The following KCNIP1 variants were observed in gnomAD, a reference collection of about 807,000 sequenced individuals.
The protein encoded by KCNIP1 is A-type potassium channel modulatory protein KCNIP1.
KCNIP1 carries 18 observed loss-of-function variants against 33.0 expected under a neutral mutation model. The observed-to-expected ratio is 0.55, with a 90% CI of 0.38 to 0.81. The LOEUF is 0.81. Ranked by LOEUF, KCNIP1 falls within the 30% of genes least tolerant of loss-of-function variation. The pLI is 0.00. For synonymous variants in KCNIP1, 93 were observed against 98.3 expected, an observed-to-expected ratio of 0.95 and a Z score of 0.32; for missense variants, 238 against 271.6, an observed-to-expected ratio of 0.88 and a Z score of 0.87.
At chr5:170,363,330 C>T (rs1415463398) in intron 1 of KCNIP1, among the ~76,000 whole-genome samples, 1 of 152,162 alleles carries the variant, frequency 6.6e-6, no homozygotes, top group African/African-American at 2.4e-5. Flanking sequence ...GCCCTAACCC[C>T]CAAGGTGGCT....
At chr5:170,461,253 T>C (rs558617951) in intron 1 of KCNIP1, among the ~76,000 whole-genome samples, 1 of 152,134 alleles carries the variant, frequency 6.6e-6, no homozygotes, top group Non-Finnish European at 1.5e-5. Flanking sequence ...ATCTACAAAT[T>C]CAGTGCAATT....
intron 1 of KCNIP1, among the ~76,000 whole-genome samples, chr5:170,562,504 T>C (rs1217378821): frequency 6.6e-6 from 1 of 152,182 alleles, no homozygotes; most frequent in East Asian, 1.9e-4. Context: ...ATTGGATGAG[T>C]AAATGAATGC....
chr5:170,657,248 G>C (rs569903685), intron 1 of KCNIP1, among the ~76,000 whole-genome samples: 1 of 152,128 alleles, frequency 6.6e-6, no homozygotes, highest in East Asian at 1.9e-4. Flanking sequence ...TGAGCACCTC[G>C]ATCTCCCAAA....
At chr5:170,663,729 T>A (rs1485376917) in intron 1 of KCNIP1, among the ~76,000 whole-genome samples, 1 of 151,850 alleles carries the variant, frequency 6.6e-6, no homozygotes, top group East Asian at 1.9e-4. Flanking sequence ...CCCTAATCAA[T>A]CAAATCCTGT....
At chr5:170,464,781 G>A (rs933002289) in intron 1 of KCNIP1, among the ~76,000 whole-genome samples, 9 of 152,132 alleles carry the variant, frequency 5.9e-5, no homozygotes, top group South Asian at 2.1e-4. Context: ...AGCCCAAGAC[G>A]CTTGGGAATC....
chr5:170,703,568 T>G (rs1319699167), intron 1 of KCNIP1, among the ~76,000 whole-genome samples: 3 of 134,964 alleles, frequency 2.2e-5, no homozygotes, highest in Non-Finnish European at 4.6e-5. Context: ...AGGCCAGGAG[T>G]TCAAGGCTAG....
intron 1 of KCNIP1, among the ~76,000 whole-genome samples, chr5:170,690,555 T>C (rs186518599): frequency 3.1e-4 from 47 of 152,354 alleles, no homozygotes; most frequent in Admixed American, 2.7e-3. Flanking sequence ...ATGCAAAAAC[T>C]AATTATCATG....
At chr5:170,548,739 G>A (rs965877335) in intron 1 of KCNIP1, among the ~76,000 whole-genome samples, 5 of 152,188 alleles carry the variant, frequency 3.3e-5, no homozygotes, top group Non-Finnish European at 5.9e-5. Flanking sequence ...CTTCCCACTT[G>A]GTAGGGCCTG....
At chr5:170,519,135 C>T (rs1004378316) in intron 1 of KCNIP1, among the ~76,000 whole-genome samples, 5 of 152,252 alleles carry the variant, frequency 3.3e-5, no homozygotes, top group East Asian at 3.9e-4. Context: ...GTGAGGGCTC[C>T]GCTAATGGCA....
intron 1 of KCNIP1, among the ~76,000 whole-genome samples, chr5:170,473,864 C>A (rs1756790834): frequency 6.6e-6 from 1 of 152,146 alleles, no homozygotes; most frequent in Non-Finnish European, 1.5e-5. Flanking sequence ...TCTGACCCAG[C>A]CTCACACCAG....
intron 1 of KCNIP1, among the ~76,000 whole-genome samples, chr5:170,579,619 C>T (rs1185258531): frequency 6.6e-6 from 1 of 152,204 alleles, no homozygotes; most frequent in African/African-American, 2.4e-5. Context: ...CCCCATGTAA[C>T]AAACCTCCCC....
intron 1 of KCNIP1, among the ~76,000 whole-genome samples, chr5:170,595,220 G>A (rs1222291403): frequency 6.6e-6 from 1 of 152,214 alleles, no homozygotes; most frequent in Non-Finnish European, 1.5e-5. Flanking sequence ...TAAAAATGGA[G>A]GGCAGCGGTA....
chr5:170,551,013 A>G (rs1422977279), intron 1 of KCNIP1, among the ~76,000 whole-genome samples: 2 of 152,220 alleles, frequency 1.3e-5, no homozygotes, highest in East Asian at 3.9e-4. Flanking sequence ...TGTTCTTCCA[A>G]TCTGTCTCCA....
intron 1 of KCNIP1, among the ~76,000 whole-genome samples, chr5:170,432,820 G>A (rs1207296713): frequency 6.6e-6 from 1 of 152,156 alleles, no homozygotes; most frequent in African/African-American, 2.4e-5. Flanking sequence ...TGCATAAACT[G>A]TCTAGTGAGG....
At chr5:170,478,416 T>C (rs1756903312) in intron 1 of KCNIP1, among the ~76,000 whole-genome samples, 1 of 152,218 alleles carries the variant, frequency 6.6e-6, no homozygotes, top group Non-Finnish European at 1.5e-5. Flanking sequence ...TTCCCCGGCC[T>C]TCCAGTCCCA....
chr5:170,441,187 G>T (rs955431558), intron 1 of KCNIP1, among the ~76,000 whole-genome samples: 6 of 152,212 alleles, frequency 3.9e-5, no homozygotes, highest in African/African-American at 1.4e-4. Context: ...CAGGGCCTCT[G>T]CCCTGGCAGG....
intron 1 of KCNIP1, among the ~76,000 whole-genome samples, chr5:170,359,691 T>C (rs575175043): frequency 1.3e-5 from 2 of 152,134 alleles, no homozygotes; most frequent in Non-Finnish European, 2.9e-5. Context: ...GGGGCATGTG[T>C]TCACCTTGGC....
At chr5:170,445,583 AC>A (rs2113052015) in intron 1 of KCNIP1, among the ~76,000 whole-genome samples, 1 of 152,302 alleles carries the variant, frequency 6.6e-6, no homozygotes, top group South Asian at 2.1e-4. Flanking sequence ...CTGGGATAAA[AC>A]TTGCTGAAGA....
At chr5:170,645,140 T>G (rs2113708179) in intron 1 of KCNIP1, among the ~76,000 whole-genome samples, 1 of 152,278 alleles carries the variant, frequency 6.6e-6, no homozygotes. Flanking sequence ...TAGAGGTTAC[T>G]TAACAAAGAG....
Sources: allele counts gnomAD v4.1 joint callset (sites outside exome capture counted in the v4.1 genomes callset), GRCh38; gene constraint gnomAD v4.1.1; transcripts MANE v1.5; gene names NCBI Gene and HGNC (gene_info 2026-07-23, HGNC 2026-07-21).